Variants in PHF8 observed in about 807,000 individuals in gnomAD.
PHF8 encodes the protein histone lysine demethylase PHF8.
Under a neutral mutation model 74.4 loss-of-function variants are expected in PHF8, and 9 were observed. That is an observed-to-expected ratio of 0.12 (90% CI 0.07 to 0.21). The LOEUF is 0.21. Among genes scored for constraint, PHF8 ranks in the 10% least tolerant of loss-of-function variants. PHF8 has a pLI of 1.00. For missense variants in PHF8, 478 were observed against 816.6 expected, an observed-to-expected ratio of 0.59 and a Z score of 5.05; for synonymous variants, 311 against 316.6, an observed-to-expected ratio of 0.98 and a Z score of 0.19.
At chrX:53,973,263 C>T (rs2065322135) in intron 18 of PHF8, among the ~76,000 whole-genome samples, 1 of 112,014 alleles carries the variant, frequency 8.9e-6, no homozygotes, top group African/African-American at 3.2e-5. Context: ...CATTAAACCA[C>T]TATTGACATT....
chrX:53,990,983 G>C (rs2065650693), intron 14 of PHF8, among the ~76,000 whole-genome samples: 1 of 111,281 alleles, frequency 9.0e-6, no homozygotes, highest in Non-Finnish European at 1.9e-5. Context: ...TAATTATATG[G>C]CAGGCCCTGT....
chrX:54,036,547 G>A (rs1557114218), intron 2 of PHF8, among the ~76,000 whole-genome samples: 1 of 86,804 alleles, frequency 1.2e-5, no homozygotes, highest in African/African-American at 4.7e-5. Flanking sequence ...AGTACCGCCT[G>A]GGCAACAGAC....
Position 53,937,361 on chromosome X carries a change from G to A in PHF8, c.*1797C>T, listed in dbSNP as rs2064683894. ...GGGTGTTAATGGACAAAAGGGCTGG[G>A]GACCTGATCTTGGTTACAGCAGTCA... On this transcript the variant is annotated 3_prime_UTR_variant, in exon 22 of 22. Transcript: ENST00000338154. 1 of 111,790 alleles carries A rather than the reference G, an allele frequency of 8.9e-6. No homozygotes were observed. The highest frequency in any genetic ancestry group is 9.5e-5 in the Admixed American group (1 of 10,482). The allele number at this position is 111,790 out of a possible 1,213,427, so 9.2% of individuals were successfully genotyped here. A position where few individuals can be genotyped will look rare whatever the true frequency, so the allele number is the denominator to read the frequency against.
intron 3 of PHF8, 129 bp downstream of exon 3, chrX:54,022,629 T>G: frequency 1.9e-6 from 1 of 516,185 alleles, no homozygotes. Flanking sequence ...GGAGCCTGCA[T>G]AGGCTTCTGC....
chrX:53,954,000 G>A (rs2064971833), intron 19 of PHF8, among the ~76,000 whole-genome samples: 1 of 111,465 alleles, frequency 9.0e-6, no homozygotes, highest in South Asian at 3.7e-4. Flanking sequence ...CATTACTAAA[G>A]ACAAAGAAGA....
intron 11 of PHF8, among the ~76,000 whole-genome samples, chrX:53,997,019 G>C (rs148182899): frequency 0.1 from 11,198 of 112,216 alleles, 954 homozygotes; most frequent in African/African-American, 0.28. Flanking sequence ...ACTTTGTAAG[G>C]CACAGACTGA....
intron 19 of PHF8, among the ~76,000 whole-genome samples, chrX:53,956,513 C>T (rs978865578): frequency 5.4e-5 from 6 of 111,443 alleles, no homozygotes; most frequent in Non-Finnish European, 9.4e-5. Context: ...CTTTGTAGAT[C>T]AACACATTAG....
At position 53,985,143 on chromosome X, in the gene PHF8, C is replaced by T. The variant is rs140518672; in HGVS notation, c.2214G>A (p.Pro738=). The change falls in exon 18 of 22, where the codon CCG becomes CCA. Residue 738 remains proline, a synonymous_variant. Coordinates refer to ENST00000338154, the MANE Select transcript of PHF8 (RefSeq NM_015107.3). ...MANLQSSSSS[P]ATSSLQAWWT... ...ACCAGGCCTGCAGGCTAGAGGTAGC[C>T]GGTGAGGACGATGAGGACTGCAGGT... 6.0e-5 allele frequency: 72 copies of T among 1,205,144 alleles called. No individual in the cohort carries two copies. The highest frequency in any genetic ancestry group is 8.0e-5 in the Non-Finnish European group (71 of 892,224).
chrX:53,995,782 C>A lies in PHF8; in HGVS notation c.1234G>T (p.Ala412Ser). The change falls in exon 12 of 22, where the codon GCT becomes TCT. Residue 412 changes from alanine (A) to serine (S), a missense_variant and splice_region_variant. Transcript: ENST00000338154. ...LAFRAWTRKE[A>S]LPDHEDEIPE... ...ATCTCATCCTCATGGTCTGGCAGAGCCTGTCAAACAAGAGGCATGAGGAAT... is the reference window on the plus strand; with the variant it reads ...ATCTCATCCTCATGGTCTGGCAGAGACTGTCAAACAAGAGGCATGAGGAAT... 8.6e-7 allele frequency: 1 copy of A among 1,162,916 alleles called. No homozygotes were observed. Among genetic ancestry groups the A allele is most frequent in the Non-Finnish European group, 1.2e-6 (1 of 852,115 alleles).
chrX:53,965,890 G>T (rs2065177265), intron 18 of PHF8, among the ~76,000 whole-genome samples: 1 of 109,952 alleles, frequency 9.1e-6, no homozygotes, highest in South Asian at 3.9e-4. Flanking sequence ...GAAAAGGGAA[G>T]TATGGCCCAT....
intron 18 of PHF8, among the ~76,000 whole-genome samples, chrX:53,983,127 A>T (rs2065504067): frequency 9.5e-6 from 1 of 105,260 alleles, no homozygotes. Context: ...GTGAGCCATG[A>T]TTGCGCCACT....
intron 18 of PHF8, among the ~76,000 whole-genome samples, chrX:53,981,362 A>G (rs1019407444): frequency 2.7e-5 from 3 of 112,588 alleles, no homozygotes; most frequent in Non-Finnish European, 3.7e-5. Flanking sequence ...CCTTAGCAAC[A>G]TAAGAAGACA....
intron 8 of PHF8, among the ~76,000 whole-genome samples, chrX:54,006,370 T>C (rs2065897367): frequency 9.1e-6 from 1 of 110,188 alleles, no homozygotes. Flanking sequence ...TGGTCCCAGC[T>C]ACTTGGGAGG....
chrX:54,044,019 C>T lies in PHF8; in HGVS notation c.-350G>A. 7.9e-6 allele frequency: 6 copies of T among 755,195 alleles called. No individual in the cohort carries two copies. Among genetic ancestry groups the T allele is most frequent in the Non-Finnish European group, 9.4e-6 (6 of 639,458 alleles). 62.2% of individuals were successfully genotyped at this position (755,195 alleles called of 1,213,427 possible). Reference sequence around the variant, plus strand: ...AATTCTGGGATAGTCCCCGTACCGCCGGGAACCTCGCTCGCCTTCCCCTCG... The same window carrying T: ...AATTCTGGGATAGTCCCCGTACCGCTGGGAACCTCGCTCGCCTTCCCCTCG... On this transcript the variant is annotated 5_prime_UTR_variant, in exon 1 of 22. Coordinates refer to ENST00000338154, the MANE Select transcript of PHF8 (RefSeq NM_015107.3).
At chrX:54,038,275 T>G (rs903094624) in intron 2 of PHF8, among the ~76,000 whole-genome samples, 3 of 112,124 alleles carry the variant, frequency 2.7e-5, no homozygotes, top group Admixed American at 9.5e-5. Flanking sequence ...TTAGCTCACT[T>G]AGGAATTAAA....
intron 19 of PHF8, among the ~76,000 whole-genome samples, chrX:53,952,550 G>A (rs1367218723): frequency 1.8e-4 from 20 of 111,708 alleles, no homozygotes; most frequent in African/African-American, 6.2e-4. Context: ...GAAGGGTAAT[G>A]GAGCTATATA....
chrX:54,042,917 G>A, intron 1 of PHF8, 97 bp from the exon 2 acceptor site: 2 of 689,386 alleles, frequency 2.9e-6, no homozygotes, highest in Non-Finnish European at 4.2e-6. Context: ...CCGCCGCCGG[G>A]ATGCAACACA....
intron 14 of PHF8, 88 bp from the exon 15 acceptor site, chrX:53,988,032 T>C: frequency 1.5e-6 from 1 of 687,303 alleles, no homozygotes; most frequent in Non-Finnish European, 2.3e-6. Flanking sequence ...GACCTACAGA[T>C]TCAATACAAT....
chrX:53,945,383 G>A (rs1380420905), intron 19 of PHF8, among the ~76,000 whole-genome samples: 1 of 106,545 alleles, frequency 9.4e-6, no homozygotes, highest in African/African-American at 3.4e-5. Context: ...GGTGGTGCAC[G>A]CCTGTAGTCC....
Sources: gnomAD v4.1 joint callset for allele counts (sites outside exome capture counted in the v4.1 genomes callset) on GRCh38, gnomAD v4.1.1 for gene constraint, MANE v1.5 for transcripts, NCBI Gene and HGNC (gene_info 2026-07-23, HGNC 2026-07-21) for gene names.